The following PIP5K1B variants were observed in gnomAD, a reference collection of about 807,000 sequenced individuals.
PIP5K1B encodes the protein phosphatidylinositol-4-phosphate 5-kinase type 1 beta.
PIP5K1B carries 42 observed loss-of-function variants against 67.0 expected under a neutral mutation model. The observed-to-expected ratio is 0.63, with a 90% CI of 0.49 to 0.81. The LOEUF is 0.81. Ranked by LOEUF, PIP5K1B falls within the 30% of genes least tolerant of loss-of-function variation. The pLI, the probability that PIP5K1B is intolerant of heterozygous loss-of-function variation, is 0.00. For missense variants in PIP5K1B, 459 were observed against 646.3 expected (o/e 0.71, Z 3.14); for synonymous variants, 214 against 231.4 (o/e 0.92, Z 0.68).
intron 13 of PIP5K1B, chr9:68,935,759 A>T (rs2132612268): frequency 6.6e-6 from 1 of 152,282 alleles, no homozygotes; most frequent in South Asian, 2.1e-4. Context: ...TTCTTTAATG[A>T]TTTATTTTTT....
Position 68,781,746 on chromosome 9 carries a change from C to CT in PIP5K1B, c.-85-36704dup, listed in dbSNP as rs879260285. 1.4e-3 allele frequency: 219 copies of CT among 155,116 alleles called. 1 individual carries two copies. Among genetic ancestry groups the CT allele is most frequent in the East Asian group, 1.8e-3 (9 of 5,028 alleles). The allele number at this position is 155,116 out of a possible 1,614,324, so 9.6% of individuals were successfully genotyped here. A position where few individuals can be genotyped will look rare whatever the true frequency, so the allele number is the denominator to read the frequency against. ...ACTATAGAGAAAATAAAATTTTTTCCTTTTTTTTTTTAACCGGAAAGTGCA... is the reference window on the plus strand; with the variant it reads ...ACTATAGAGAAAATAAAATTTTTTCCTTTTTTTTTTTTAACCGGAAAGTGCA... On this transcript the variant is annotated intron_variant, in intron 2 of 15. Transcript: ENST00000265382.
chr9:68,908,455 G>A (rs902002038), intron 8 of PIP5K1B, among the ~76,000 whole-genome samples: 1 of 150,792 alleles, frequency 6.6e-6, no homozygotes, highest in Non-Finnish European at 1.5e-5. Flanking sequence ...AAAAGCCTTG[G>A]TACAGGTTAA....
intron 14 of PIP5K1B, among the ~76,000 whole-genome samples, chr9:68,987,369 G>T (rs1270416691): frequency 2.0e-5 from 3 of 152,150 alleles, no homozygotes; most frequent in Admixed American, 2.0e-4. Context: ...TTCAAGACCA[G>T]CCTGGCCAAC....
chr9:68,976,951 C>G (rs536315498), intron 14 of PIP5K1B, among the ~76,000 whole-genome samples: 5 of 152,148 alleles, frequency 3.3e-5, no homozygotes, highest in Non-Finnish European at 7.3e-5. Context: ...ATTCCTGTTG[C>G]CTTCATGGTG....
chr9:68,875,326 A>AAAAAAT, intron 5 of PIP5K1B, among the ~76,000 whole-genome samples: 1 of 116,390 alleles, frequency 8.6e-6, no homozygotes, highest in Non-Finnish European at 1.8e-5. Flanking sequence ...AAAAAAAAAA[A>AAAAAAT]CAGTCATCTG....
At chr9:68,935,528 T>A (rs1827217042) in intron 13 of PIP5K1B, among the ~76,000 whole-genome samples, 1 of 152,194 alleles carries the variant, frequency 6.6e-6, no homozygotes, top group Admixed American at 6.5e-5. Context: ...ACATTTTAAC[T>A]ACCACATAAA....
intron 6 of PIP5K1B, among the ~76,000 whole-genome samples, chr9:68,880,566 CACACACACACACACACACACACGCAT>C (rs1431397394): frequency 6.4e-4 from 33 of 51,876 alleles, no homozygotes; most frequent in Non-Finnish European, 1.1e-3. Flanking sequence ...AACACACACA[CACACACACACACACACACACACGCAT>C]ACACACACAC....
intron 14 of PIP5K1B, among the ~76,000 whole-genome samples, chr9:68,954,487 G>A (rs1416221488): frequency 6.6e-6 from 1 of 152,168 alleles, no homozygotes; most frequent in Admixed American, 6.5e-5. Context: ...CTGACTCCTT[G>A]TTCAGGGCAG....
chr9:68,998,637 G>A (rs1830691966), intron 15 of PIP5K1B, among the ~76,000 whole-genome samples: 1 of 152,166 alleles, frequency 6.6e-6, no homozygotes, highest in Non-Finnish European at 1.5e-5. Context: ...CTTGGGGTCT[G>A]CGAGGCCCTG....
chr9:68,941,018 A>T (rs1334858157), intron 14 of PIP5K1B: 1 of 632,278 alleles, frequency 1.6e-6, no homozygotes, highest in Non-Finnish European at 2.9e-6. Flanking sequence ...TGTAGAAATT[A>T]TATACTTGGC....
At chr9:68,947,623 C>T (rs1827862962) in intron 14 of PIP5K1B, among the ~76,000 whole-genome samples, 2 of 152,122 alleles carry the variant, frequency 1.3e-5, no homozygotes, top group Non-Finnish European at 2.9e-5. Flanking sequence ...CAAAGCTTTA[C>T]AAAGGTAGTG....
chr9:68,844,560 C>T (rs1046087047), intron 4 of PIP5K1B, among the ~76,000 whole-genome samples: 1 of 151,446 alleles, frequency 6.6e-6, no homozygotes, highest in Non-Finnish European at 1.5e-5. Flanking sequence ...GAAAGATGTC[C>T]GAGTCTGGTG....
intron 14 of PIP5K1B, among the ~76,000 whole-genome samples, chr9:68,980,448 A>G (rs1043976006): frequency 6.6e-6 from 1 of 152,236 alleles, no homozygotes; most frequent in Non-Finnish European, 1.5e-5. Context: ...CAGAAAAGGA[A>G]TTCTTTCCAA....
rs142433630 is a variant in PIP5K1B at position 68,976,234 on chromosome 9, A to G, written c.1503-14906A>G. The stretch of plus-strand genomic sequence containing the variant: ...CCTGTTCACTGTGTCTTAAACCTTT[A>G]TTGGTTCCATTAGCTTACACAGCAA... On this transcript the variant is annotated intron_variant, in intron 14 of 15. Coordinates refer to ENST00000265382, the MANE Select transcript of PIP5K1B (RefSeq NM_003558.4). 4.6e-5 allele frequency among the ~76,000 whole-genome samples: 7 copies of G among 152,294 alleles called. No individual in the cohort carries two copies. The East Asian group carries it at 1.4e-3, about 29-fold the overall frequency.
intron 1 of PIP5K1B, among the ~76,000 whole-genome samples, chr9:68,728,085 G>A (rs1828242708): frequency 6.6e-6 from 1 of 152,200 alleles, no homozygotes; most frequent in Non-Finnish European, 1.5e-5. Context: ...AGTGGTGGTG[G>A]TGAGGTGTTA....
At chr9:68,874,724 G>A (rs917685550) in intron 5 of PIP5K1B, among the ~76,000 whole-genome samples, 11 of 152,120 alleles carry the variant, frequency 7.2e-5, no homozygotes, top group Admixed American at 6.5e-4. Context: ...TTTGAATGTT[G>A]AAGGAAATCT....
rs577901045 is a variant in PIP5K1B at position 68,749,005 on chromosome 9, G to A, written c.-86+6348G>A. 3.9e-5 allele frequency among the ~76,000 whole-genome samples: 6 copies of A among 152,254 alleles called. No individual in the cohort carries two copies. In the South Asian group the frequency reaches 6.2e-4, roughly 16 times the overall value. On this transcript the variant is annotated intron_variant, in intron 2 of 15. Coordinates refer to ENST00000265382, the MANE Select transcript of PIP5K1B (RefSeq NM_003558.4). The stretch of plus-strand genomic sequence containing the variant: ...GTGGACAGAGCTGGGTTCAAATCCC[G>A]CCTCTACCCCTTGTTAGCCATTTGT...
At chr9:68,917,408 T>C (rs1826153799) in intron 8 of PIP5K1B, 140 bp from the exon 9 acceptor site, 1 of 689,956 alleles carries the variant, frequency 1.4e-6, no homozygotes, top group Admixed American at 2.3e-5. Flanking sequence ...GTTTTTATTT[T>C]GATTCTTCAT....
chr9:68,783,973 C>A (rs1267557329), intron 2 of PIP5K1B: 1 of 167,164 alleles, frequency 6.0e-6, no homozygotes, highest in Admixed American at 6.5e-5. Context: ...TCCCTCCTCC[C>A]CCCTCGTTTT....
Sources: gnomAD v4.1 joint callset for allele counts (sites outside exome capture counted in the v4.1 genomes callset) on GRCh38, gnomAD v4.1.1 for gene constraint, MANE v1.5 for transcripts, NCBI Gene and HGNC (gene_info 2026-07-23, HGNC 2026-07-21) for gene names.